The following NRG2 variants were observed in gnomAD, a reference collection of about 807,000 sequenced individuals.
NRG2 encodes the protein pro-neuregulin-2, membrane-bound isoform.
A neutral mutation model predicts 73.9 loss-of-function variants in NRG2; 27 were observed. The observed-to-expected ratio is 0.37, with a 90% CI of 0.27 to 0.50. The LOEUF is 0.50. NRG2 is among the 20% of genes least tolerant of loss of function. NRG2 has a pLI of 0.96. For synonymous variants in NRG2, 532 were observed against 541.0 expected (o/e 0.98, Z 0.23); for missense variants, 1,126 against 1,210.1 (o/e 0.93, Z 1.03).
chr5:139,989,889 T>C lies in NRG2; in HGVS notation c.700+52481A>G, dbSNP rs371275032. On this transcript the variant is annotated intron_variant, in intron 1 of 9. Transcript: ENST00000361474. The stretch of plus-strand genomic sequence containing the variant: ...CTGCAAGCTCCGCCTCCTGGGTTCA[T>C]GCCATTCTCCTGCCTCAGCCTCCCG... Among the ~76,000 whole-genome samples the C allele has an allele frequency of 9.1e-3, 1,370 of 150,532 alleles. 22 individuals are homozygous for C. The highest frequency in any genetic ancestry group is 0.014 in the Middle Eastern group (4 of 292).
At position 139,851,741 on chromosome 5, in the gene NRG2, G is replaced by C; in HGVS notation, c.1635C>G (p.Ser545Arg). Residue 545 changes from serine to arginine, a missense_variant, in exon 9 of 10, where the codon AGC becomes AGG. Physicochemically the swap from Ser to Arg is moderately radical, Grantham distance 110. Coordinates refer to ENST00000361474, the MANE Select transcript of NRG2 (RefSeq NM_004883.3). This position sits in a 1 kb window ranked among gnomAD's most constrained non-coding sequence, Gnocchi z 4.2. ...CCACACATGCTGGGCTGTTGCATTT[G>C]CTGGTACCCACTGATGATAGCATGA... ...SGIMLSSVGT[S>R]KCNSPACVEA... is the part of the protein sequence containing the mutation. 6.2e-7 allele frequency: 1 copy of C among 1,614,230 alleles called. No homozygotes were observed. Among genetic ancestry groups the C allele is most frequent in the Non-Finnish European group, 8.5e-7 (1 of 1,180,048 alleles).
At chr5:139,895,843 C>T (rs540394166) in intron 1 of NRG2, among the ~76,000 whole-genome samples, 124 of 152,326 alleles carry the variant, frequency 8.1e-4, no homozygotes, top group South Asian at 1.9e-3. Context: ...TGTTTAATCT[C>T]CCTACTGGGG....
At chr5:140,042,335 C>T (rs1184422957) in intron 1 of NRG2, 35 bp downstream of exon 1, 6 of 1,463,000 alleles carry the variant, frequency 4.1e-6, no homozygotes, top group African/African-American at 1.4e-5. Flanking sequence ...CTCGCCCCTC[C>T]CCCCTTTCTC....
At chr5:140,020,010 C>T (rs1162924137) in intron 1 of NRG2, among the ~76,000 whole-genome samples, 1 of 152,180 alleles carries the variant, frequency 6.6e-6, no homozygotes, top group Non-Finnish European at 1.5e-5. Context: ...GCCTCAGCCT[C>T]CCAAAGTGCT....
In NRG2 at chr5:140,042,986, G is replaced by A; in HGVS notation, c.84C>T (p.Ser28=). The change falls in exon 1 of 10, where the codon AGC becomes AGT. Residue 28 remains serine, a synonymous_variant. Transcript: ENST00000361474. Reference sequence around the variant, plus strand: ...TGCTGCTGCTGCTCCTCTCGCTGCTGCTGCTGCTGCTGTCGCTGTAGCTGC... The same window carrying A: ...TGCTGCTGCTGCTCCTCTCGCTGCTACTGCTGCTGCTGTCGCTGTAGCTGC... ...RCSSYSDSSS[S]SSERSSSSSS... The A allele has an allele frequency of 6.4e-7, 1 of 1,557,064 alleles. No individual in the cohort carries two copies. The highest frequency in any genetic ancestry group is 8.7e-7 in the Non-Finnish European group (1 of 1,155,240).
At chr5:139,880,710 T>G in intron 3 of NRG2, 146 bp downstream of exon 3, 9 of 585,310 alleles carry the variant, frequency 1.5e-5, no homozygotes, top group East Asian at 2.9e-5. Flanking sequence ...CTGAATCGGC[T>G]GAGATCTAGG....
chr5:139,859,731 G>C (rs1762026628), intron 5 of NRG2, among the ~76,000 whole-genome samples: 1 of 152,164 alleles, frequency 6.6e-6, no homozygotes, highest in Admixed American at 6.5e-5. Context: ...AATCAACGTA[G>C]TTTATGATAG....
chr5:139,961,713 C>T (rs1298734075), intron 1 of NRG2, among the ~76,000 whole-genome samples: 1 of 152,148 alleles, frequency 6.6e-6, no homozygotes, highest in Non-Finnish European at 1.5e-5. Context: ...TGTGGTTGGC[C>T]CCCTGCTCCC....
At chr5:139,883,555 C>A (rs951080182) in intron 2 of NRG2, among the ~76,000 whole-genome samples, 3 of 152,036 alleles carry the variant, frequency 2.0e-5, no homozygotes, top group Admixed American at 6.6e-5. Flanking sequence ...GAGTGCGGCC[C>A]GGGCAGGGAG....
At chr5:140,013,381 T>C (rs1436141706) in intron 1 of NRG2, among the ~76,000 whole-genome samples, 1 of 152,212 alleles carries the variant, frequency 6.6e-6, no homozygotes, top group Non-Finnish European at 1.5e-5. Flanking sequence ...AAGCATGCGT[T>C]ACTTCTATAT....
intron 1 of NRG2, among the ~76,000 whole-genome samples, chr5:140,004,854 A>G (rs1048803847): frequency 2.0e-5 from 3 of 152,210 alleles, no homozygotes; most frequent in African/African-American, 4.8e-5. Flanking sequence ...AGCTTTGATC[A>G]TTGTACTATG....
At chr5:139,871,700 C>T in intron 4 of NRG2, 21 bp downstream of exon 4, 2 of 1,613,568 alleles carry the variant, frequency 1.2e-6, no homozygotes, top group South Asian at 1.1e-5. Flanking sequence ...GCTCCCATGC[C>T]CACCCCTACT....
Position 139,911,708 on chromosome 5 carries a change from A to G in NRG2, c.701-24197T>C, listed in dbSNP as rs533935521. Among the ~76,000 whole-genome samples, 515 of 152,208 alleles carry G rather than the reference A, an allele frequency of 3.4e-3. 2 individuals are homozygous for G. The highest frequency in any genetic ancestry group is 5.8e-3 in the Non-Finnish European group (391 of 67,996). On this transcript the variant is annotated intron_variant, in intron 1 of 9. Transcript: ENST00000361474. ...AGACTCCTGCACTTTATCTTGGGTG[A>G]CCCTGAGCCACAGTTCTCACTGAGG...
At chr5:139,916,003 T>G (rs1751225026) in intron 1 of NRG2, among the ~76,000 whole-genome samples, 1 of 152,114 alleles carries the variant, frequency 6.6e-6, no homozygotes, top group Admixed American at 6.5e-5. Flanking sequence ...GAAAGGATAT[T>G]GAAGGGTTCT....
At chr5:139,927,080 AC>A (rs2126350730) in intron 1 of NRG2, among the ~76,000 whole-genome samples, 1 of 152,108 alleles carries the variant, frequency 6.6e-6, no homozygotes, top group Admixed American at 6.5e-5. Flanking sequence ...CCAGCCACCC[AC>A]CCCCAGGACT....
At chr5:139,882,378 C>T (rs1296408128) in intron 2 of NRG2, among the ~76,000 whole-genome samples, 1 of 152,204 alleles carries the variant, frequency 6.6e-6, no homozygotes, top group Non-Finnish European at 1.5e-5. Context: ...AAGGGTGCTA[C>T]AAGATGGTCT....
At chr5:139,877,878 CT>C (rs1161238144) in intron 3 of NRG2, among the ~76,000 whole-genome samples, 27 of 152,244 alleles carry the variant, frequency 1.8e-4, no homozygotes, top group Admixed American at 6.5e-5. Flanking sequence ...TCTCCAAACT[CT>C]TTCCCCTGCT....
chr5:139,939,139 C>G (rs1209079734), intron 1 of NRG2, among the ~76,000 whole-genome samples: 2 of 151,858 alleles, frequency 1.3e-5, no homozygotes, highest in Non-Finnish European at 2.9e-5. Context: ...AATGTAAAAG[C>G]TAAAAAAGTC....
At chr5:139,933,361 C>T (rs1013402032) in intron 1 of NRG2, among the ~76,000 whole-genome samples, 2 of 151,378 alleles carry the variant, frequency 1.3e-5, no homozygotes. Context: ...AAGTAAAATA[C>T]TGTAAAACCA....
Sources: allele counts gnomAD v4.1 joint callset (sites outside exome capture counted in the v4.1 genomes callset), GRCh38; gene constraint gnomAD v4.1.1; non-coding constraint Gnocchi (gnomAD v3.1); transcripts MANE v1.5; gene names NCBI Gene and HGNC (gene_info 2026-07-23, HGNC 2026-07-21).